The following SEMA5A variants were observed in gnomAD, a reference collection of about 807,000 sequenced individuals.
SEMA5A encodes semaphorin-5A.
SEMA5A carries 55 observed loss-of-function variants against 135.5 expected under a neutral mutation model. The ratio of observed to expected loss-of-function variants is 0.41; its 90% confidence interval spans 0.33 to 0.51. SEMA5A has a LOEUF of 0.51. Ranked by LOEUF, SEMA5A falls within the 20% of genes least tolerant of loss-of-function variation. The probability of loss-of-function intolerance (pLI) is 0.37; values close to 1 mark genes in which losing one functional copy is unlikely to be tolerated. For synonymous variants in SEMA5A, 580 were observed against 546.5 expected (o/e 1.06, Z -0.85); for missense variants, 1,290 against 1,419.9 (o/e 0.91, Z 1.47).
intron 15 of SEMA5A, 68 bp downstream of exon 15, chr5:9,118,930 G>A: frequency 6.4e-7 from 1 of 1,569,760 alleles, no homozygotes; most frequent in South Asian, 1.2e-5. Context: ...AAACCGCGGG[G>A]AACTCGACCT....
chr5:9,257,278 A>G (rs1201585563), intron 5 of SEMA5A, among the ~76,000 whole-genome samples: 2 of 152,216 alleles, frequency 1.3e-5, no homozygotes, highest in Non-Finnish European at 2.9e-5. Flanking sequence ...TGACCTTCTC[A>G]CAGCGTCTTG....
intron 3 of SEMA5A, among the ~76,000 whole-genome samples, chr5:9,338,051 G>C (rs917757287): frequency 1.3e-5 from 2 of 152,138 alleles, no homozygotes; most frequent in Non-Finnish European, 2.9e-5. Flanking sequence ...ATCAATGCTT[G>C]GTTGTGATTT....
At chr5:9,430,208 C>G (rs1172176139) in intron 2 of SEMA5A, among the ~76,000 whole-genome samples, 2 of 152,130 alleles carry the variant, frequency 1.3e-5, no homozygotes, top group African/African-American at 4.8e-5. Flanking sequence ...GAAGACTGGA[C>G]TTCCCATTAA....
chr5:9,228,469 G>C (rs1747441452), intron 6 of SEMA5A, among the ~76,000 whole-genome samples: 4 of 152,202 alleles, frequency 2.6e-5, no homozygotes. Flanking sequence ...CCTGAAACAG[G>C]CCAAGTGTGC....
chr5:9,221,878 G>A (rs1241487505), intron 8 of SEMA5A, among the ~76,000 whole-genome samples: 1 of 152,152 alleles, frequency 6.6e-6, no homozygotes, highest in Non-Finnish European at 1.5e-5. Flanking sequence ...GGAGAGGACT[G>A]GAGTGGGGGT....
At chr5:9,329,250 T>G (rs141994547) in intron 4 of SEMA5A, among the ~76,000 whole-genome samples, 23 of 152,246 alleles carry the variant, frequency 1.5e-4, no homozygotes, top group African/African-American at 5.3e-4. Context: ...TAGGCCAAGA[T>G]CATCATACTT....
intron 11 of SEMA5A, among the ~76,000 whole-genome samples, chr5:9,177,417 A>G (rs533451665): frequency 2.1e-4 from 32 of 152,344 alleles, no homozygotes; most frequent in African/African-American, 7.7e-4. Context: ...CTCTATCCCA[A>G]TATGCCTGAG....
At chr5:9,421,773 G>C (rs896881089) in intron 2 of SEMA5A, among the ~76,000 whole-genome samples, 1 of 152,100 alleles carries the variant, frequency 6.6e-6, no homozygotes, top group Non-Finnish European at 1.5e-5. Context: ...ATAGAACATT[G>C]TTTCATCTAC....
At chr5:9,262,574 T>C (rs1712962442) in intron 5 of SEMA5A, among the ~76,000 whole-genome samples, 1 of 36,708 alleles carries the variant, frequency 2.7e-5, no homozygotes, top group Non-Finnish European at 5.3e-5. Flanking sequence ...CCATAAAAAA[T>C]GATGAGTTCA....
At chr5:9,362,784 G>T (rs542052545) in intron 3 of SEMA5A, among the ~76,000 whole-genome samples, 210 of 152,256 alleles carry the variant, frequency 1.4e-3, no homozygotes, top group Admixed American at 2.2e-3. Context: ...AATGTAAGAT[G>T]ATTTCTATGG....
At chr5:9,130,171 AC>A (rs1287940441) in intron 13 of SEMA5A, among the ~76,000 whole-genome samples, 2 of 152,118 alleles carry the variant, frequency 1.3e-5, no homozygotes, top group African/African-American at 4.8e-5. Flanking sequence ...ATTTCAACTG[AC>A]CAAGGATGTA....
intron 3 of SEMA5A, among the ~76,000 whole-genome samples, chr5:9,356,336 A>G (rs1461056167): frequency 2.0e-5 from 3 of 152,218 alleles, no homozygotes; most frequent in Non-Finnish European, 4.4e-5. Flanking sequence ...GTGCACACAC[A>G]CAAGTGAAGA....
intron 2 of SEMA5A, among the ~76,000 whole-genome samples, chr5:9,436,954 G>GC (rs1554035528): frequency 2.6e-5 from 4 of 151,994 alleles, no homozygotes; most frequent in African/African-American, 9.7e-5. Flanking sequence ...TCATTGTGAA[G>GC]TGGGGGGTCA....
chr5:9,094,949 A>T (rs778131295), intron 16 of SEMA5A, among the ~76,000 whole-genome samples: 3 of 152,160 alleles, frequency 2.0e-5, no homozygotes, highest in Non-Finnish European at 4.4e-5. Flanking sequence ...GAGATTCTGC[A>T]AGTCAAATAG....
At position 9,168,644 on chromosome 5, in the gene SEMA5A, G is replaced by GT. The variant is rs1461091424; in HGVS notation, c.1274-13950dup. 2.6e-5 allele frequency among the ~76,000 whole-genome samples: 4 copies of GT among 152,326 alleles called. No individual in the cohort carries two copies. In the South Asian group the frequency reaches 8.3e-4, roughly 32 times the overall value. ...TGGGCAGGGATACTACCTTCAACCT[G>GT]TGAGTGACAGGGGCTGGATGTACAC... is the stretch of plus-strand genomic sequence containing the variant. On this transcript the variant is annotated intron_variant, in intron 11 of 22. Transcript: ENST00000382496.
At chr5:9,092,713 C>T (rs1239274160) in intron 16 of SEMA5A, among the ~76,000 whole-genome samples, 1 of 152,134 alleles carries the variant, frequency 6.6e-6, no homozygotes, top group East Asian at 1.9e-4. Flanking sequence ...AATGAGAACA[C>T]AAAATGTGTT....
intron 2 of SEMA5A, among the ~76,000 whole-genome samples, chr5:9,389,489 C>G (rs1756053249): frequency 6.6e-6 from 1 of 152,154 alleles, no homozygotes; most frequent in Admixed American, 6.5e-5. Context: ...CGTCTGCTTC[C>G]TCTCATAGCT....
chr5:9,155,470 T>C (rs1321389822), intron 11 of SEMA5A, among the ~76,000 whole-genome samples: 3 of 150,982 alleles, frequency 2.0e-5, no homozygotes, highest in Non-Finnish European at 2.9e-5. Flanking sequence ...GAAACGAACA[T>C]TGCTCTCCCA....
chr5:9,154,711 G>A lies in SEMA5A; in HGVS notation c.1274-16C>T, dbSNP rs375164033. ...GTTCCGTAATCTATGAAGGTCACAG[G>A]ATGAAAAGGAAACAAGGTCAGAGGG... On this transcript the variant is annotated splice_polypyrimidine_tract_variant and intron_variant, in intron 11 of 22. Transcript: ENST00000382496. 5 of 1,609,570 alleles carry A rather than the reference G, an allele frequency of 3.1e-6. No individual in the cohort carries two copies. The highest frequency in any genetic ancestry group is 2.7e-5 in the African/African-American group (2 of 74,812).
Sources: allele counts gnomAD v4.1 joint callset (sites outside exome capture counted in the v4.1 genomes callset), GRCh38; gene constraint gnomAD v4.1.1; transcripts MANE v1.5; gene names NCBI Gene and HGNC (gene_info 2026-07-23, HGNC 2026-07-21).